Variants in CPNE4 observed in about 807,000 individuals in gnomAD.
CPNE4 encodes copine-4.
Under a neutral mutation model 67.9 loss-of-function variants are expected in CPNE4, and 25 were observed. The ratio of observed to expected loss-of-function variants is 0.37; its 90% CI spans 0.27 to 0.51. The LOEUF (loss-of-function observed/expected upper bound fraction) is 0.51. CPNE4 is among the 20% of genes least tolerant of loss of function. The pLI is 0.93. For missense variants in CPNE4, 464 were observed against 690.8 expected (o/e 0.67, Z 3.68); for synonymous variants, 242 against 244.9 (o/e 0.99, Z 0.11).
chr3:131,606,096 G>A (rs949278766), intron 7 of CPNE4, among the ~76,000 whole-genome samples: 5 of 152,146 alleles, frequency 3.3e-5, no homozygotes, highest in Non-Finnish European at 7.4e-5. Flanking sequence ...GATCCCTGAG[G>A]AGGAAAAGGC....
At chr3:131,803,923 C>T (rs2084219849) in intron 2 of CPNE4, among the ~76,000 whole-genome samples, 1 of 152,174 alleles carries the variant, frequency 6.6e-6, no homozygotes, top group Non-Finnish European at 1.5e-5. Context: ...TAAGGTTTGA[C>T]TCCATCTCTG....
chr3:131,981,170 T>A (rs1032723292), intron 1 of CPNE4, among the ~76,000 whole-genome samples: 19 of 152,116 alleles, frequency 1.2e-4, no homozygotes, highest in Admixed American at 1.2e-3. Flanking sequence ...CTGGTTGGCC[T>A]CCTGTCAGGA....
At position 131,640,046 on chromosome 3, in the gene CPNE4, A is replaced by T. The variant is rs191411307; in HGVS notation, c.681+29629T>A. On this transcript the variant is annotated intron_variant, in intron 7 of 15. Coordinates refer to ENST00000429747, the MANE Select transcript of CPNE4 (RefSeq NM_130808.3). ...AGCCATCTATGACAAATCCACAGCCAACATTATACTGAATGGGGAAAAGTT... is the reference window on the plus strand; with the variant it reads ...AGCCATCTATGACAAATCCACAGCCTACATTATACTGAATGGGGAAAAGTT... 3.8e-3 allele frequency among the ~76,000 whole-genome samples: 583 copies of T among 152,332 alleles called. 3 individuals carry two copies. Among genetic ancestry groups the T allele is most frequent in the African/African-American group, 0.013 (531 of 41,594 alleles).
chr3:131,845,011 A>G (rs966389736), intron 2 of CPNE4, among the ~76,000 whole-genome samples: 1 of 152,226 alleles, frequency 6.6e-6, no homozygotes, highest in Non-Finnish European at 1.5e-5. Context: ...TGCTTCCCTC[A>G]CTAGTTACTT....
chr3:131,665,682 A>AACAAACAG (rs2080241174), intron 7 of CPNE4, among the ~76,000 whole-genome samples: 1 of 151,830 alleles, frequency 6.6e-6, no homozygotes, highest in Admixed American at 6.6e-5. Flanking sequence ...CAAACAAACA[A>AACAAACAG]ACAAAAAACA....
chr3:131,780,452 G>A (rs1469173546), intron 2 of CPNE4, among the ~76,000 whole-genome samples: 5 of 152,012 alleles, frequency 3.3e-5, no homozygotes, highest in Admixed American at 1.3e-4. Context: ...GGTGGACTGG[G>A]TAAAGAAAAT....
intron 1 of CPNE4, among the ~76,000 whole-genome samples, chr3:131,963,205 G>A (rs908762981): frequency 6.6e-6 from 1 of 152,094 alleles, no homozygotes; most frequent in African/African-American, 2.4e-5. Flanking sequence ...TGTCCTATCT[G>A]TCCCAGATAC....
chr3:131,606,564 C>G (rs1418894894), intron 7 of CPNE4, among the ~76,000 whole-genome samples: 1 of 152,192 alleles, frequency 6.6e-6, no homozygotes, highest in Non-Finnish European at 1.5e-5. Flanking sequence ...GGTCCCTGCT[C>G]TGGTCTAGTG....
chr3:131,824,337 T>C (rs796679372), intron 2 of CPNE4, among the ~76,000 whole-genome samples: 3 of 152,154 alleles, frequency 2.0e-5, no homozygotes, highest in African/African-American at 7.2e-5. Context: ...AATACAGAAC[T>C]CAAAGATTAA....
intron 14 of CPNE4, among the ~76,000 whole-genome samples, chr3:131,544,382 C>T (rs1935697019): frequency 6.6e-6 from 1 of 152,016 alleles, no homozygotes; most frequent in South Asian, 2.1e-4. Flanking sequence ...AAAATGTAAG[C>T]TGGAGGTAGG....
chr3:131,589,456 C>G (rs1938397900), intron 7 of CPNE4, among the ~76,000 whole-genome samples: 1 of 152,208 alleles, frequency 6.6e-6, no homozygotes, highest in African/African-American at 2.4e-5. Flanking sequence ...TCTAGCCGTG[C>G]TAGCAGCCGA....
At chr3:131,950,717 G>A (rs2071697042) in intron 1 of CPNE4, among the ~76,000 whole-genome samples, 1 of 152,132 alleles carries the variant, frequency 6.6e-6, no homozygotes, top group African/African-American at 2.4e-5. Flanking sequence ...TTAAAATATA[G>A]CCATCATCAA....
chr3:131,695,946 G>A (rs966494201), intron 5 of CPNE4, among the ~76,000 whole-genome samples: 3 of 152,134 alleles, frequency 2.0e-5, no homozygotes, highest in Non-Finnish European at 4.4e-5. Context: ...CTTCAATGAT[G>A]AATTCCAGGT....
chr3:131,631,811 A>AT (rs1176291199), intron 7 of CPNE4, among the ~76,000 whole-genome samples: 1 of 151,360 alleles, frequency 6.6e-6, no homozygotes, highest in Non-Finnish European at 1.5e-5. Flanking sequence ...GTGGAAGGAG[A>AT]TTTTAGATTT....
At chr3:131,644,395 C>T (rs566754098) in intron 7 of CPNE4, among the ~76,000 whole-genome samples, 1 of 152,240 alleles carries the variant, frequency 6.6e-6, no homozygotes, top group East Asian at 1.9e-4. Flanking sequence ...GATCTGCCTG[C>T]CTTGTCCTCC....
At chr3:132,009,540 G>C (rs1305042350) in intron 1 of CPNE4, among the ~76,000 whole-genome samples, 4 of 152,224 alleles carry the variant, frequency 2.6e-5, no homozygotes, top group South Asian at 2.1e-4. Context: ...GGTTCAAAGA[G>C]AGGGTGTCTG....
At chr3:132,001,284 T>C (rs2073424265) in intron 1 of CPNE4, among the ~76,000 whole-genome samples, 1 of 151,934 alleles carries the variant, frequency 6.6e-6, no homozygotes, top group Non-Finnish European at 1.5e-5. Flanking sequence ...TTATGAGTAA[T>C]CTTAATTCAG....
intron 7 of CPNE4, among the ~76,000 whole-genome samples, chr3:131,660,925 C>T (rs895239742): frequency 1.3e-5 from 2 of 152,098 alleles, no homozygotes; most frequent in Admixed American, 1.3e-4. Flanking sequence ...TAGAGAGAGG[C>T]CTCTTCATAT....
At chr3:132,006,544 C>T (rs2369356) in intron 1 of CPNE4, among the ~76,000 whole-genome samples, 128,069 of 152,002 alleles carry the variant, frequency 0.84, 54,963 homozygotes, top group Non-Finnish European at 0.93. Flanking sequence ...AGGTCTGCTG[C>T]ATTCCTCTTC....
Sources: gnomAD v4.1 joint callset for allele counts (sites outside exome capture counted in the v4.1 genomes callset) on GRCh38, gnomAD v4.1.1 for gene constraint, MANE v1.5 for transcripts, NCBI Gene and HGNC (gene_info 2026-07-23, HGNC 2026-07-21) for gene names.